The following SDAD1 variants were observed in gnomAD, a reference collection of about 807,000 sequenced individuals.
SDAD1 encodes SDA1 domain containing 1, also known as protein SDA1 homolog.
In SDAD1, 79 loss-of-function variants were observed where a neutral mutation model predicts 100.3. The ratio of observed to expected loss-of-function variants is 0.79; its 90% CI spans 0.66 to 0.95. The LOEUF is 0.95. Ranked by LOEUF, SDAD1 falls within the 40% of genes least tolerant of loss-of-function variation. The pLI is 0.00. For synonymous variants in SDAD1, 267 were observed against 271.4 expected, an observed-to-expected ratio of 0.98 and a Z score of 0.16; for missense variants, 790 against 810.9, an observed-to-expected ratio of 0.97 and a Z score of 0.31.
At chr4:75,964,254 T>C in intron 13 of SDAD1, 43 bp from the exon 14 acceptor site, 1 of 1,270,758 alleles carries the variant, frequency 7.9e-7, no homozygotes, top group Non-Finnish European at 1.1e-6. Flanking sequence ...ATTAAATGTC[T>C]GCATACACAA....
chr4:75,963,642 T>C (rs1231352608), intron 14 of SDAD1, among the ~76,000 whole-genome samples: 2 of 152,074 alleles, frequency 1.3e-5, no homozygotes, highest in Non-Finnish European at 2.9e-5. Context: ...TGGGAGAAGG[T>C]CCCTTATCAC....
chr4:75,988,719 T>C (rs1251464343), intron 1 of SDAD1, among the ~76,000 whole-genome samples: 1 of 152,184 alleles, frequency 6.6e-6, no homozygotes, highest in Non-Finnish European at 1.5e-5. Context: ...ATCAACAGTA[T>C]TTGTCAAATG....
chr4:75,955,905 C>G, intron 21 of SDAD1, 70 bp downstream of exon 21: 1 of 1,503,510 alleles, frequency 6.7e-7, no homozygotes, highest in Non-Finnish European at 8.9e-7. Context: ...GGCGCAAGTC[C>G]GTCTCAAATG....
intron 3 of SDAD1, among the ~76,000 whole-genome samples, chr4:75,978,814 CAAA>C (rs766028798): frequency 1.5e-5 from 2 of 129,366 alleles, no homozygotes. Context: ...TGTCTCTACA[CAAA>C]AAAAAAAAAA....
At chr4:75,979,246 G>A (rs1171269151) in intron 3 of SDAD1, among the ~76,000 whole-genome samples, 1 of 151,894 alleles carries the variant, frequency 6.6e-6, no homozygotes, top group East Asian at 1.9e-4. Context: ...TTCTATCTGT[G>A]TAAGCAGGAC....
chr4:75,987,365 ATTCATATACAT>A (rs1478702441), intron 1 of SDAD1, among the ~76,000 whole-genome samples: 2 of 152,160 alleles, frequency 1.3e-5, no homozygotes, highest in Non-Finnish European at 2.9e-5. Context: ...GACATATTCT[ATTCATATACAT>A]TTCATATACA....
At chr4:75,981,229 T>C (rs1409143586) in intron 3 of SDAD1, 143 bp downstream of exon 3, 8 of 746,138 alleles carry the variant, frequency 1.1e-5, no homozygotes, top group African/African-American at 7.1e-5. Flanking sequence ...TGAGAAGCCA[T>C]AGAAGGATTT....
chr4:75,959,950 T>C lies in SDAD1; in HGVS notation c.1483+116A>G, dbSNP rs1355817946. ...CATACTTCTAACAGTGCGTGGCACA[T>C]AGTCATTGCTCAATAAATATCTGCT... is the stretch of plus-strand genomic sequence containing the variant. On this transcript the variant is annotated intron_variant, in intron 17 of 21. Transcript: ENST00000356260. 5 of 1,109,784 alleles carry C rather than the reference T, an allele frequency of 4.5e-6. No individual in the cohort carries two copies. The South Asian group carries it at 5.5e-5, about 12-fold the overall frequency. 68.7% of individuals were successfully genotyped at this position (1,109,784 alleles called of 1,614,324 possible). A position where few individuals can be genotyped will look rare whatever the true frequency, so the allele number is the denominator to read the frequency against.
intron 8 of SDAD1, 74 bp downstream of exon 8, chr4:75,973,243 G>A (rs1729965372): frequency 8.2e-7 from 1 of 1,213,850 alleles, no homozygotes; most frequent in Non-Finnish European, 1.2e-6. Flanking sequence ...AACTTCAGCA[G>A]TCATAGACTT....
At chr4:75,966,267 TACACACACACACACACAC>T (rs375225256) in intron 12 of SDAD1, among the ~76,000 whole-genome samples, 62 of 139,284 alleles carry the variant, frequency 4.5e-4, no homozygotes, top group Middle Eastern at 3.5e-3. Flanking sequence ...AATGAATGCA[TACACACACACACACACAC>T]ACACACACAC....
Position 75,965,837 on chromosome 4 carries a change from G to A in SDAD1, c.1046-15C>T, listed in dbSNP as rs763323637. The A allele has an allele frequency of 2.9e-5, 47 of 1,611,240 alleles. No individual in the cohort carries two copies. The South Asian group carries it at 3.6e-4, about 12-fold the overall frequency. On this transcript the variant is annotated splice_polypyrimidine_tract_variant and intron_variant, in intron 12 of 21. Coordinates refer to ENST00000356260, the MANE Select transcript of SDAD1 (RefSeq NM_018115.4). ...CTTGGTTACTTCTGAAAACATAAGAGAACAGAAAGGTCATGGTCAGTGTAT... is the reference window on the plus strand; with the variant it reads ...CTTGGTTACTTCTGAAAACATAAGAAAACAGAAAGGTCATGGTCAGTGTAT...
At chr4:75,983,355 G>C (rs1314777372) in intron 1 of SDAD1, among the ~76,000 whole-genome samples, 3 of 152,176 alleles carry the variant, frequency 2.0e-5, no homozygotes, top group Non-Finnish European at 4.4e-5. Context: ...CTAGATCCTT[G>C]AGGAATTGCC....
chr4:75,967,080 T>C (rs1484521342), intron 12 of SDAD1, among the ~76,000 whole-genome samples, 197 bp downstream of exon 12: 1 of 152,184 alleles, frequency 6.6e-6, no homozygotes, highest in African/African-American at 2.4e-5. Context: ...GTTGTTGTTT[T>C]AAAAAAACAA....
intron 14 of SDAD1, among the ~76,000 whole-genome samples, chr4:75,962,668 A>C (rs1241170046): frequency 1.3e-5 from 2 of 152,184 alleles, no homozygotes; most frequent in Admixed American, 6.5e-5. Context: ...AGCATTTTTT[A>C]ATGTGCCTTT....
intron 11 of SDAD1, among the ~76,000 whole-genome samples, chr4:75,969,032 A>C (rs1729714360): frequency 7.3e-5 from 2 of 27,258 alleles, no homozygotes; most frequent in African/African-American, 1.4e-4. Context: ...CTCTGTCTCA[A>C]AAAAAAAAAA....
At chr4:75,986,579 A>G (rs1393479467) in intron 1 of SDAD1, among the ~76,000 whole-genome samples, 1 of 152,144 alleles carries the variant, frequency 6.6e-6, no homozygotes, top group Non-Finnish European at 1.5e-5. Flanking sequence ...GTTATGCATT[A>G]GATTCTAAAC....
At chr4:75,988,933 T>C (rs1731068184) in intron 1 of SDAD1, among the ~76,000 whole-genome samples, 1 of 152,208 alleles carries the variant, frequency 6.6e-6, no homozygotes, top group Admixed American at 6.5e-5. Flanking sequence ...TTGGTTATTC[T>C]GAGATCCATT....
chr4:75,965,208 T>C (rs1485432195), intron 13 of SDAD1, among the ~76,000 whole-genome samples: 1 of 152,100 alleles, frequency 6.6e-6, no homozygotes, highest in Non-Finnish European at 1.5e-5. Context: ...TCTTTTAAGG[T>C]TGTAGATAAG....
At chr4:75,970,713 G>C (rs1396244944) in intron 9 of SDAD1, among the ~76,000 whole-genome samples, 1 of 152,210 alleles carries the variant, frequency 6.6e-6, no homozygotes, top group Non-Finnish European at 1.5e-5. Context: ...GAGGGACCTC[G>C]TGGGAAGTTA....
Sources: gnomAD v4.1 joint callset for allele counts (sites outside exome capture counted in the v4.1 genomes callset) on GRCh38, gnomAD v4.1.1 for gene constraint, MANE v1.5 for transcripts, NCBI Gene and HGNC (gene_info 2026-07-23, HGNC 2026-07-21) for gene names.